Variants in GPD1L observed in about 807,000 individuals in gnomAD.
GPD1L encodes glycerol-3-phosphate dehydrogenase 1-like protein.
A neutral mutation model predicts 32.9 loss-of-function variants in GPD1L; 17 were observed. That is an observed-to-expected ratio of 0.52 (90% CI 0.35 to 0.78). The LOEUF is 0.78. GPD1L is among the 30% of genes least tolerant of loss of function. The pLI, the probability that GPD1L is intolerant of heterozygous loss-of-function variation, is 0.01. For synonymous variants in GPD1L, 187 were observed against 165.9 expected (o/e 1.13, Z -0.98); for missense variants, 361 against 447.8 (o/e 0.81, Z 1.75).
At chr3:32,135,191 G>A (rs1700646554) in intron 2 of GPD1L, among the ~76,000 whole-genome samples, 1 of 152,202 alleles carries the variant, frequency 6.6e-6, no homozygotes, top group South Asian at 2.1e-4. Flanking sequence ...ATGGGGAAGA[G>A]GAGAAACAGT....
chr3:32,142,341 T>C (rs1211697312), intron 4 of GPD1L, among the ~76,000 whole-genome samples: 1 of 152,058 alleles, frequency 6.6e-6, no homozygotes, highest in Non-Finnish European at 1.5e-5. Context: ...ATGGTCTTGA[T>C]CTCCTGACCT....
intron 1 of GPD1L, among the ~76,000 whole-genome samples, chr3:32,112,677 G>C (rs1700269797): frequency 6.6e-6 from 1 of 152,038 alleles, no homozygotes; most frequent in South Asian, 2.1e-4. Context: ...ACTATTCTAG[G>C]AATGAGTCGA....
chr3:32,121,717 A>C (rs977552408), intron 1 of GPD1L, among the ~76,000 whole-genome samples: 3 of 122,620 alleles, frequency 2.4e-5, no homozygotes, highest in Non-Finnish European at 3.1e-5. Flanking sequence ...ATTTCTACAT[A>C]TATTTCTATA....
chr3:32,127,252 C>T lies in GPD1L; in HGVS notation c.48-824C>T, dbSNP rs995612281. On this transcript the variant is annotated intron_variant, in intron 1 of 7. Coordinates refer to ENST00000282541, the MANE Select transcript of GPD1L (RefSeq NM_015141.4). ...ACTGCGTTCTCTCATTTGCTCCTCA[C>T]GCCAGGAAGGTCATCTAAGAAACAA... 6.6e-5 allele frequency among the ~76,000 whole-genome samples: 10 copies of T among 152,278 alleles called. No individual in the cohort carries two copies. The South Asian group carries it at 1.0e-3, about 16-fold the overall frequency.
chr3:32,124,414 C>A (rs1700474939), intron 1 of GPD1L, among the ~76,000 whole-genome samples: 1 of 152,222 alleles, frequency 6.6e-6, no homozygotes, highest in South Asian at 2.1e-4. Context: ...CTGTTCCCTT[C>A]AAAACCCTCT....
chr3:32,108,710 A>C (rs1190371510), intron 1 of GPD1L, among the ~76,000 whole-genome samples: 1 of 152,212 alleles, frequency 6.6e-6, no homozygotes, highest in Non-Finnish European at 1.5e-5. Context: ...CACGCTGCAA[A>C]TACTAGGGTA....
chr3:32,156,718 A>T (rs1190247413), intron 5 of GPD1L, among the ~76,000 whole-genome samples: 1 of 152,116 alleles, frequency 6.6e-6, no homozygotes, highest in African/African-American at 2.4e-5. Context: ...CGGCCACATC[A>T]ATGATATGTT....
At chr3:32,165,753 C>T (rs963762902) in intron 7 of GPD1L, 61 bp from the exon 8 acceptor site, 4 of 876,356 alleles carry the variant, frequency 4.6e-6, no homozygotes, top group Admixed American at 3.5e-5. Context: ...GAAAACCTAA[C>T]TTATTCTCTG....
intron 1 of GPD1L, among the ~76,000 whole-genome samples, chr3:32,124,048 C>A (rs1700468256): frequency 6.6e-6 from 1 of 150,806 alleles, no homozygotes; most frequent in African/African-American, 2.4e-5. Flanking sequence ...TTCTGTTGGC[C>A]AGTCACATTT....
At chr3:32,165,309 G>A (rs1196307067) in intron 7 of GPD1L, among the ~76,000 whole-genome samples, 2 of 152,188 alleles carry the variant, frequency 1.3e-5, no homozygotes, top group East Asian at 3.8e-4. Flanking sequence ...GATAAATCAA[G>A]CTTCTGACAT....
At chr3:32,126,230 T>C (rs990890089) in intron 1 of GPD1L, among the ~76,000 whole-genome samples, 1 of 152,176 alleles carries the variant, frequency 6.6e-6, no homozygotes, top group African/African-American at 2.4e-5. Flanking sequence ...CATAAATAAA[T>C]AAATATTCCC....
At chr3:32,140,153 C>T (rs1575115541) in intron 3 of GPD1L, 75 bp from the exon 4 acceptor site, 1 of 1,459,658 alleles carries the variant, frequency 6.9e-7, no homozygotes, top group East Asian at 2.3e-5. Context: ...AGTTGTGTAG[C>T]CATGGGACAT....
At chr3:32,160,010 TTTG>T (rs1701054084) in intron 7 of GPD1L, among the ~76,000 whole-genome samples, 1 of 152,224 alleles carries the variant, frequency 6.6e-6, no homozygotes, top group Non-Finnish European at 1.5e-5. Flanking sequence ...AAATTACTTT[TTTG>T]TTTTTATTAA....
rs572282943 is a variant in GPD1L, at chr3:32,142,871, G to A, written c.505+2505G>A. 4.6e-5 allele frequency among the ~76,000 whole-genome samples: 7 copies of A among 152,264 alleles called. No individual in the cohort carries two copies. The East Asian group carries it at 1.3e-3, about 29-fold the overall frequency. ...GCTTCTATGCCTTCTCTGTGGGGTG[G>A]AGTGTGATAAGCACTGATGACCTGA... On this transcript the variant is annotated intron_variant, in intron 4 of 7. Coordinates refer to ENST00000282541, the MANE Select transcript of GPD1L (RefSeq NM_015141.4).
In GPD1L at chr3:32,159,554, C is replaced by T; in HGVS notation, c.853-14C>T. Reference sequence around the variant, plus strand: ...ACCATAGTTTTTTTAAATATATAATCCTTTGTTTTTAAGACCATTGAAGAG... The same window carrying T: ...ACCATAGTTTTTTTAAATATATAATTCTTTGTTTTTAAGACCATTGAAGAG... On this transcript the variant is annotated splice_polypyrimidine_tract_variant and intron_variant, in intron 6 of 7. Transcript: ENST00000282541. The T allele has an allele frequency of 7.0e-7, 1 of 1,422,442 alleles. No homozygotes were observed. The highest frequency in any genetic ancestry group is 9.9e-7 in the Non-Finnish European group (1 of 1,005,876). 88.1% of individuals were successfully genotyped at this position (1,422,442 alleles called of 1,614,324 possible).
At chr3:32,116,024 G>A (rs547933552) in intron 1 of GPD1L, among the ~76,000 whole-genome samples, 8 of 151,780 alleles carry the variant, frequency 5.3e-5, no homozygotes, top group South Asian at 2.1e-4. Flanking sequence ...TCCTGACCTC[G>A]TGATGTGCCC....
chr3:32,118,206 C>T (rs1700358055), intron 1 of GPD1L, among the ~76,000 whole-genome samples: 1 of 151,962 alleles, frequency 6.6e-6, no homozygotes, highest in Admixed American at 6.6e-5. Flanking sequence ...GATTTAAAAT[C>T]AGAATAAAAA....
chr3:32,163,532 TAG>T (rs1223798228), intron 7 of GPD1L, among the ~76,000 whole-genome samples: 1 of 152,222 alleles, frequency 6.6e-6, no homozygotes, highest in Non-Finnish European at 1.5e-5. Flanking sequence ...TAACTTTATT[TAG>T]AGAGTCTTCC....
chr3:32,134,270 TG>T (rs1293334521), intron 2 of GPD1L, among the ~76,000 whole-genome samples: 7 of 152,250 alleles, frequency 4.6e-5, no homozygotes, highest in African/African-American at 1.7e-4. Context: ...AATAATGTTC[TG>T]TGAATGGACC....
Sources: gnomAD v4.1 joint callset for allele counts (sites outside exome capture counted in the v4.1 genomes callset) on GRCh38, gnomAD v4.1.1 for gene constraint, MANE v1.5 for transcripts, NCBI Gene and HGNC (gene_info 2026-07-23, HGNC 2026-07-21) for gene names.